The following ANKS3 variants were observed in gnomAD, a reference collection of about 807,000 sequenced individuals.
ANKS3 encodes ankyrin repeat and sterile alpha motif domain containing 3, also known as ankyrin repeat and SAM domain-containing protein 3.
Under a neutral mutation model 80.7 loss-of-function variants are expected in ANKS3, and 62 were observed. The observed-to-expected ratio is 0.77, with a 90% CI of 0.63 to 0.95. The LOEUF is 0.95. Ranked by LOEUF, ANKS3 falls within the 40% of genes least tolerant of loss-of-function variation. The probability of loss-of-function intolerance (pLI) is 0.00; values close to 1 mark genes in which losing one functional copy is unlikely to be tolerated. For missense variants in ANKS3, 1,150 were observed against 883.6 expected, an observed-to-expected ratio of 1.30 and a Z score of -3.82; for synonymous variants, 489 against 355.3, an observed-to-expected ratio of 1.38 and a Z score of -4.23.
chr16:4,719,818 C>A (rs1290069395), intron 6 of ANKS3, among the ~76,000 whole-genome samples: 3 of 151,890 alleles, frequency 2.0e-5, no homozygotes, highest in Non-Finnish European at 4.4e-5. Context: ...ATAAAAAATA[C>A]AAAAATAATT....
At chr16:4,697,288 C>G (rs370365433) in intron 16 of ANKS3, 45 bp downstream of exon 16, 1 of 1,565,924 alleles carries the variant, frequency 6.4e-7, no homozygotes, top group South Asian at 1.1e-5. Context: ...TTGCCTCCCT[C>G]GGAAACAAAA....
At chr16:4,706,411 AT>A (rs1280579424) in intron 7 of ANKS3, among the ~76,000 whole-genome samples, 1 of 151,200 alleles carries the variant, frequency 6.6e-6, no homozygotes, top group Non-Finnish European at 1.5e-5. Flanking sequence ...TTGTTTTTGT[AT>A]TTTTAGTAGA....
intron 11 of ANKS3, chr16:4,700,677 C>G: frequency 2.0e-6 from 1 of 504,606 alleles, no homozygotes; most frequent in Non-Finnish European, 3.7e-6. Context: ...CTCCTGCAGG[C>G]AGCTCTGAGG....
intron 5 of ANKS3, 75 bp downstream of exon 5, chr16:4,726,584 G>A: frequency 6.5e-7 from 1 of 1,531,742 alleles, no homozygotes; most frequent in Non-Finnish European, 8.9e-7. Context: ...CTGGTTAGCT[G>A]CCTCCAGAGC....
rs1037199837 is a variant in ANKS3 at position 4,729,821 on chromosome 16, C to T, written c.170+159G>A. Reference sequence around the variant, plus strand: ...AATAAAAACGGCCTCTTTGTCAGGGCTCAGCATCAATACTTACTGACAGCT... The same window carrying T: ...AATAAAAACGGCCTCTTTGTCAGGGTTCAGCATCAATACTTACTGACAGCT... On this transcript the variant is annotated intron_variant, in intron 3 of 17. Transcript: ENST00000304283. 6 of 697,920 alleles carry T rather than the reference C, an allele frequency of 8.6e-6. No individual in the cohort carries two copies. In the African/African-American group the frequency reaches 9.1e-5, roughly 11 times the overall value. 43.2% of individuals were successfully genotyped at this position (697,920 alleles called of 1,614,324 possible). A position where few individuals can be genotyped will look rare whatever the true frequency, so the allele number is the denominator to read the frequency against.
intron 6 of ANKS3, 189 bp from the exon 7 acceptor site, chr16:4,714,375 C>G (rs2080663040): frequency 1.3e-6 from 1 of 786,352 alleles, no homozygotes; most frequent in Non-Finnish European, 2.0e-6. Context: ...CTCTCACTCT[C>G]TTCTTAGGGA....
rs754683663 is a variant in ANKS3, at chr16:4,727,075, C to A, written c.273G>T (p.Ala91=). ...HDTIVHLLLE[A]GVSVNVPTPE... ...GGGTCGGCACATTCACACTCACCCC[C>A]GCCTCAAGCAGCAGGTGCACGATTG... The change falls in exon 4 of 18, where the codon GCG becomes GCT. Residue 91 remains alanine (A), a synonymous_variant. Coordinates refer to ENST00000304283, the MANE Select transcript of ANKS3 (RefSeq NM_133450.4). The A allele has an allele frequency of 6.2e-7, 1 of 1,614,072 alleles. No homozygotes were observed. The highest frequency in any genetic ancestry group is 8.5e-7 in the Non-Finnish European group (1 of 1,180,054).
chr16:4,708,591 T>A (rs2080323588), intron 7 of ANKS3, among the ~76,000 whole-genome samples: 1 of 152,152 alleles, frequency 6.6e-6, no homozygotes, highest in South Asian at 2.1e-4. Context: ...TCCGATGGGT[T>A]TTTCTTGTTT....
At chr16:4,727,718 GTC>G (rs1329470597) in intron 3 of ANKS3, 5 of 155,550 alleles carry the variant, frequency 3.2e-5, no homozygotes, top group African/African-American at 1.2e-4. Context: ...CCGTGGACAA[GTC>G]CCACCGCCAC....
intron 8 of ANKS3, among the ~76,000 whole-genome samples, chr16:4,704,614 A>G (rs539153383): frequency 6.8e-4 from 104 of 152,210 alleles, no homozygotes; most frequent in Admixed American, 1.6e-3. Context: ...CAAGTCAACA[A>G]GCGGGCCCTC....
At chr16:4,721,437 C>T (rs926587032) in intron 6 of ANKS3, among the ~76,000 whole-genome samples, 4 of 150,852 alleles carry the variant, frequency 2.7e-5, no homozygotes, top group Non-Finnish European at 4.4e-5. Context: ...GGCAAAACCC[C>T]ATCTCTACAA....
At position 4,720,534 on chromosome 16, in the gene ANKS3, T is replaced by A. The variant is rs557357707; in HGVS notation, c.573+4216A>T. On this transcript the variant is annotated intron_variant, in intron 6 of 17. Coordinates refer to ENST00000304283, the MANE Select transcript of ANKS3 (RefSeq NM_133450.4). ...GGACCACTATGGAACAAAGCAAGTT[T>A]ACACTACCCACTACCGACTGAACCC... Among the ~76,000 whole-genome samples the A allele has an allele frequency of 5.2e-4, 79 of 151,070 alleles. 2 individuals carry two copies. The highest frequency in any genetic ancestry group is 9.2e-4 in the African/African-American group (38 of 41,372).
rs139155125 is a variant in ANKS3, at chr16:4,718,327, G to A, written c.574-4141C>T. On this transcript the variant is annotated intron_variant, in intron 6 of 17. Transcript: ENST00000304283. ...GATCAAAACTCATTTTAACATGAAG[G>A]TGGGATCAGAAAGTTTAGAAACCCT... Among the ~76,000 whole-genome samples, 668 of 152,258 alleles carry A rather than the reference G, an allele frequency of 4.4e-3. 5 individuals are homozygous for A. Among genetic ancestry groups the A allele is most frequent in the African/African-American group, 0.015 (635 of 41,534 alleles).
intron 6 of ANKS3, among the ~76,000 whole-genome samples, chr16:4,722,193 T>C (rs760329638): frequency 1.3e-5 from 2 of 151,380 alleles, no homozygotes; most frequent in Non-Finnish European, 3.0e-5. Context: ...CATGTGAATT[T>C]TTCACTATTT....
chr16:4,724,999 C>T lies in ANKS3; in HGVS notation c.492-168G>A, dbSNP rs114285161. ...TGACATGAGAACAGTGAATATAACA[C>T]ATCAGCTCCATTTACTCTTCTGGTG... On this transcript the variant is annotated intron_variant, in intron 5 of 17. Transcript: ENST00000304283. 948 of 550,806 alleles carry T rather than the reference C, an allele frequency of 1.7e-3. 7 individuals carry two copies. The highest frequency in any genetic ancestry group is 0.016 in the African/African-American group (851 of 52,076). 34.1% of individuals were successfully genotyped at this position (550,806 alleles called of 1,614,324 possible).
chr16:4,723,571 C>G (rs969858830), intron 6 of ANKS3, among the ~76,000 whole-genome samples: 1 of 152,176 alleles, frequency 6.6e-6, no homozygotes. Context: ...TACCGGCGTG[C>G]GCCACCGCAC....
chr16:4,717,239 C>G (rs1268979066), intron 6 of ANKS3, among the ~76,000 whole-genome samples: 1 of 151,708 alleles, frequency 6.6e-6, no homozygotes, highest in South Asian at 2.1e-4. Context: ...AAGCAAGACT[C>G]TATCTCAAAA....
chr16:4,706,436 C>G (rs982293115), intron 7 of ANKS3, among the ~76,000 whole-genome samples: 1 of 152,026 alleles, frequency 6.6e-6, no homozygotes, highest in Non-Finnish European at 1.5e-5. Context: ...GGGGTTTCAC[C>G]ATGTTGGCCA....
At chr16:4,721,617 G>GATTTATTTATTTATTT (rs778426725) in intron 6 of ANKS3, among the ~76,000 whole-genome samples, 2 of 89,760 alleles carry the variant, frequency 2.2e-5, no homozygotes, top group African/African-American at 5.9e-5. Flanking sequence ...TCTCTTTATT[G>GATTTATTTATTTATTT]ATTTATTGAT....
Sources: allele counts gnomAD v4.1 joint callset (sites outside exome capture counted in the v4.1 genomes callset), GRCh38; gene constraint gnomAD v4.1.1; transcripts MANE v1.5; gene names NCBI Gene and HGNC (gene_info 2026-07-23, HGNC 2026-07-21).